Variants in NRXN3 observed in about 807,000 individuals in gnomAD.
NRXN3 encodes neurexin 3, also known as neurexin III.
A neutral mutation model predicts 137.6 loss-of-function variants in NRXN3; 32 were observed. The observed-to-expected ratio is 0.23, with a 90% CI of 0.18 to 0.31. NRXN3 has a LOEUF of 0.31. NRXN3 is among the 10% of genes least tolerant of loss of function. The probability of loss-of-function intolerance (pLI) is 1.00; values close to 1 mark genes in which losing one functional copy is unlikely to be tolerated. For missense variants in NRXN3, 1,574 were observed against 2,062.5 expected, an observed-to-expected ratio of 0.76 and a Z score of 4.59; for synonymous variants, 798 against 784.5, an observed-to-expected ratio of 1.02 and a Z score of -0.29.
chr14:78,280,526 G>A (rs1167691045), intron 3 of NRXN3, among the ~76,000 whole-genome samples: 2 of 152,076 alleles, frequency 1.3e-5, no homozygotes, highest in Admixed American at 6.5e-5. Context: ...GCCACGTGGC[G>A]GCTTCTCTTT....
At chr14:79,348,075 A>T (rs555343245) in intron 15 of NRXN3, among the ~76,000 whole-genome samples, 1 of 152,288 alleles carries the variant, frequency 6.6e-6, no homozygotes, top group South Asian at 2.1e-4. Flanking sequence ...TTCAAATGCC[A>T]GCATCCTGCC....
chr14:78,684,229 C>T (rs557522028), intron 6 of NRXN3, among the ~76,000 whole-genome samples: 46 of 152,172 alleles, frequency 3.0e-4, no homozygotes, highest in Admixed American at 1.4e-3. Flanking sequence ...TACAGGCAGG[C>T]CCTGGATGTG....
intron 15 of NRXN3, among the ~76,000 whole-genome samples, chr14:79,234,867 G>T (rs956592527): frequency 2.6e-5 from 4 of 151,782 alleles, no homozygotes; most frequent in Non-Finnish European, 5.9e-5. Flanking sequence ...ACACAATTTG[G>T]GAAATACTAC....
At chr14:78,628,351 G>T (rs2097487724) in intron 4 of NRXN3, among the ~76,000 whole-genome samples, 1 of 152,044 alleles carries the variant, frequency 6.6e-6, no homozygotes, top group Non-Finnish European at 1.5e-5. Context: ...AGCCAATATG[G>T]CTCAGCAAAT....
intron 15 of NRXN3, among the ~76,000 whole-genome samples, chr14:79,448,781 G>A (rs139880092): frequency 6.6e-6 from 1 of 152,252 alleles, no homozygotes; most frequent in Non-Finnish European, 1.5e-5. Context: ...ATACATGCGT[G>A]TACATTTATG....
intron 4 of NRXN3, among the ~76,000 whole-genome samples, chr14:78,432,019 G>T (rs747175885): frequency 6.6e-6 from 1 of 152,156 alleles, no homozygotes; most frequent in Non-Finnish European, 1.5e-5. Flanking sequence ...GTGCCATTAT[G>T]GGGGAGGAAA....
chr14:78,776,859 A>C (rs1264330626), intron 8 of NRXN3, among the ~76,000 whole-genome samples: 1 of 152,184 alleles, frequency 6.6e-6, no homozygotes, highest in African/African-American at 2.4e-5. Context: ...AGTGTATTAT[A>C]ATATAGTTTG....
intron 16 of NRXN3, among the ~76,000 whole-genome samples, chr14:79,598,568 A>T (rs1005882270): frequency 6.6e-6 from 1 of 152,214 alleles, no homozygotes; most frequent in African/African-American, 2.4e-5. Context: ...TGTTACTAAT[A>T]GCTGTGGAAG....
At chr14:79,039,672 T>G (rs933154400) in intron 15 of NRXN3, among the ~76,000 whole-genome samples, 1 of 152,096 alleles carries the variant, frequency 6.6e-6, no homozygotes, top group Non-Finnish European at 1.5e-5. Context: ...CTACCTGTAA[T>G]GTGCTTTTTC....
intron 19 of NRXN3, among the ~76,000 whole-genome samples, chr14:79,768,061 C>A (rs995226906): frequency 1.3e-5 from 2 of 152,194 alleles, no homozygotes; most frequent in Non-Finnish European, 2.9e-5. Context: ...TGTGCTTTTC[C>A]GACGGGCTTA....
chr14:79,500,588 A>G (rs367968847), intron 16 of NRXN3, among the ~76,000 whole-genome samples: 47 of 152,146 alleles, frequency 3.1e-4, no homozygotes, highest in African/African-American at 1.1e-3. Flanking sequence ...TTCCCATCTA[A>G]CAATACTCAC....
intron 6 of NRXN3, among the ~76,000 whole-genome samples, chr14:78,665,920 A>G (rs1056316536): frequency 6.6e-6 from 1 of 152,086 alleles, no homozygotes; most frequent in Non-Finnish European, 1.5e-5. Flanking sequence ...TTTTCCTTTT[A>G]TCCCATATCT....
chr14:78,294,267 G>A (rs545641141), intron 3 of NRXN3, among the ~76,000 whole-genome samples: 12 of 152,188 alleles, frequency 7.9e-5, no homozygotes, highest in South Asian at 2.1e-4. Context: ...TATAAAGCTC[G>A]TGTCAGGCTG....
intron 10 of NRXN3, among the ~76,000 whole-genome samples, chr14:78,876,446 T>C (rs2099114101): frequency 6.6e-6 from 1 of 152,216 alleles, no homozygotes; most frequent in Non-Finnish European, 1.5e-5. Flanking sequence ...CTTGCATTGG[T>C]CACTGAAACC....
intron 4 of NRXN3, among the ~76,000 whole-genome samples, chr14:78,487,369 A>G (rs963973831): frequency 6.6e-6 from 1 of 152,112 alleles, no homozygotes; most frequent in African/African-American, 2.4e-5. Context: ...TTATGGCTTT[A>G]TCTCTGGGGG....
At chr14:79,214,424 T>C (rs1348616008) in intron 15 of NRXN3, among the ~76,000 whole-genome samples, 2 of 152,198 alleles carry the variant, frequency 1.3e-5, no homozygotes, top group Non-Finnish European at 2.9e-5. Context: ...ATGATTATAG[T>C]TAACAGTAAT....
intron 19 of NRXN3, among the ~76,000 whole-genome samples, chr14:79,698,393 C>G (rs1237191479): frequency 6.6e-6 from 1 of 151,974 alleles, no homozygotes; most frequent in East Asian, 1.9e-4. Flanking sequence ...ACCATTAAAT[C>G]AAGGGCAGTT....
chr14:79,651,960 T>C (rs184380055), intron 16 of NRXN3, among the ~76,000 whole-genome samples: 2 of 152,328 alleles, frequency 1.3e-5, no homozygotes, highest in African/African-American at 4.8e-5. Flanking sequence ...TAGATTCATA[T>C]TCCTGAGAGG....
At chr14:79,713,200 C>G (rs2098811160) in intron 19 of NRXN3, among the ~76,000 whole-genome samples, 1 of 110,092 alleles carries the variant, frequency 9.1e-6, no homozygotes. Context: ...TACCCTCTCT[C>G]TGAAATATCC....
Sources: gnomAD v4.1 joint callset for allele counts (sites outside exome capture counted in the v4.1 genomes callset) on GRCh38, gnomAD v4.1.1 for gene constraint, MANE v1.5 for transcripts, NCBI Gene and HGNC (gene_info 2026-07-23, HGNC 2026-07-21) for gene names.